The following COL4A1 variants were observed in gnomAD, a reference collection of about 807,000 sequenced individuals.
COL4A1 encodes the protein collagen type IV alpha 1 chain, also known as collagen alpha-1(IV) chain.
A neutral mutation model predicts 216.6 loss-of-function variants in COL4A1; 40 were observed. The observed-to-expected ratio is 0.18, with a 90% CI of 0.14 to 0.24. The LOEUF is 0.24. COL4A1 is among the 10% of genes least tolerant of loss of function. The pLI, the probability that COL4A1 is intolerant of heterozygous loss-of-function variation, is 1.00. For missense variants in COL4A1, 1,628 were observed against 2,196.8 expected (o/e 0.74, Z 5.18); for synonymous variants, 839 against 810.7 (o/e 1.03, Z -0.59).
chr13:110,251,713 G>A lies in COL4A1; in HGVS notation c.85-8979C>T, dbSNP rs144055502. 1.8e-3 allele frequency among the ~76,000 whole-genome samples: 276 copies of A among 152,268 alleles called. 1 individual carries two copies. Among genetic ancestry groups the A allele is most frequent in the African/African-American group, 6.3e-3 (261 of 41,552 alleles). On this transcript the variant is annotated intron_variant, in intron 1 of 51. Coordinates refer to ENST00000375820, the MANE Select transcript of COL4A1 (RefSeq NM_001845.6). ...GAACCCAGGATGAGGGAAAGACGGC[G>A]AGAACAGGCTGCCAGACAGGCACAG... is the stretch of plus-strand genomic sequence containing the variant.
intron 8 of COL4A1, 129 bp from the exon 9 acceptor site, chr13:110,210,341 C>T: frequency 3.5e-6 from 3 of 845,524 alleles, no homozygotes; most frequent in Non-Finnish European, 5.8e-6. Flanking sequence ...TAGACCCCGT[C>T]TACACTGGAA....
At chr13:110,175,385 T>G (rs371060092) in intron 36 of COL4A1, 28 bp from the exon 37 acceptor site, 309 of 1,613,796 alleles carry the variant, frequency 1.9e-4, no homozygotes, top group Non-Finnish European at 2.5e-4. Context: ...TGAAACTTGA[T>G]TTGGGCTTAG....
chr13:110,171,290 G>A (rs1410660843), intron 41 of COL4A1, among the ~76,000 whole-genome samples: 1 of 152,144 alleles, frequency 6.6e-6, no homozygotes, highest in Non-Finnish European at 1.5e-5. Flanking sequence ...GAAGGCAGAT[G>A]GACGGTTGCT....
intron 2 of COL4A1, among the ~76,000 whole-genome samples, chr13:110,230,734 C>A (rs574810132): frequency 6.6e-6 from 1 of 151,740 alleles, no homozygotes; most frequent in East Asian, 1.9e-4. Flanking sequence ...GCTGGAAGTC[C>A]CCCCGTGGTA....
chr13:110,155,215 G>T, intron 50 of COL4A1, 68 bp downstream of exon 50: 1 of 1,161,510 alleles, frequency 8.6e-7, no homozygotes, highest in Non-Finnish European at 1.3e-6. Flanking sequence ...GGAGGCACCA[G>T]ACAGAGGCGA....
intron 22 of COL4A1, 127 bp from the exon 23 acceptor site, chr13:110,193,040 G>A (rs1048221195): frequency 4.1e-5 from 34 of 824,660 alleles, no homozygotes; most frequent in Non-Finnish European, 6.5e-5. Context: ...TTTGCTCAGT[G>A]GCAATGGCTC....
intron 10 of COL4A1, 47 bp downstream of exon 10, chr13:110,209,933 G>T: frequency 1.3e-6 from 2 of 1,584,194 alleles, no homozygotes; most frequent in Non-Finnish European, 1.7e-6. Context: ...CCTCAATATA[G>T]TTGTTTTTTA....
In COL4A1 at chr13:110,192,277, T is replaced by C. The variant is rs755983132; in HGVS notation, c.1473A>G (p.Pro491=). The change falls in exon 24 of 52, where the codon CCA becomes CCG. Residue 491 remains proline (P), a synonymous_variant. Coordinates refer to ENST00000375820, the MANE Select transcript of COL4A1 (RefSeq NM_001845.6). ...TGTCGCCCTTGGCCCCTGGCTGCCC[T>C]GGGAAACCTTTCGTGAGAGAGAGGG... ...PQGPPGEIGF[P]GQPGAKGDRG... is the part of the protein sequence containing the mutation. 2 of 1,614,040 alleles carry C rather than the reference T, an allele frequency of 1.2e-6. No individual in the cohort carries two copies. The highest frequency in any genetic ancestry group is 1.7e-6 in the Non-Finnish European group (2 of 1,180,036).
intron 49 of COL4A1, among the ~76,000 whole-genome samples, chr13:110,158,843 AG>A (rs1392793941): frequency 2.0e-5 from 3 of 150,148 alleles, no homozygotes; most frequent in Non-Finnish European, 4.4e-5. Context: ...GCTGGGTTCA[AG>A]CAATTCTCCT....
chr13:110,225,638 A>G (rs1404724745), intron 2 of COL4A1, among the ~76,000 whole-genome samples: 2 of 152,246 alleles, frequency 1.3e-5, no homozygotes, highest in African/African-American at 4.8e-5. Context: ...GACTCAGGAA[A>G]GATCCCAAGA....
Position 110,299,294 on chromosome 13 carries a change from C to T in COL4A1, c.84+7650G>A, listed in dbSNP as rs529422307. Among the ~76,000 whole-genome samples, 15 of 152,332 alleles carry T rather than the reference C, an allele frequency of 9.8e-5. 1 individual carries two copies. In the South Asian group the frequency reaches 3.1e-3, roughly 32 times the overall value. ...AAATGCAGATTCTCGGCATACCCCA[C>T]ACCTCCAAAAACAGAAGCTCTGGAG... On this transcript the variant is annotated intron_variant, in intron 1 of 51. Coordinates refer to ENST00000375820, the MANE Select transcript of COL4A1 (RefSeq NM_001845.6).
At chr13:110,260,335 G>C (rs1882765355) in intron 1 of COL4A1, among the ~76,000 whole-genome samples, 1 of 152,170 alleles carries the variant, frequency 6.6e-6, no homozygotes. Flanking sequence ...GTATGGGGTA[G>C]ACTGCCCCCA....
intron 51 of COL4A1, among the ~76,000 whole-genome samples, chr13:110,151,427 T>C (rs1379830485): frequency 6.6e-6 from 1 of 152,194 alleles, no homozygotes; most frequent in African/African-American, 2.4e-5. Flanking sequence ...AGCATGGATG[T>C]CAAGTTTCCA....
chr13:110,208,271 C>T (rs559054152), intron 12 of COL4A1, among the ~76,000 whole-genome samples: 1 of 152,352 alleles, frequency 6.6e-6, no homozygotes, highest in South Asian at 2.1e-4. Context: ...CTGTGCCCTC[C>T]CGGCTCCACA....
At chr13:110,285,409 C>G (rs1279315331) in intron 1 of COL4A1, among the ~76,000 whole-genome samples, 1 of 152,210 alleles carries the variant, frequency 6.6e-6, no homozygotes, top group Non-Finnish European at 1.5e-5. Context: ...CATTTAGGAA[C>G]AGCAGCCCTT....
At chr13:110,163,231 TCAA>T (rs1365130523) in intron 47 of COL4A1, among the ~76,000 whole-genome samples, 1 of 152,266 alleles carries the variant, frequency 6.6e-6, no homozygotes, top group Non-Finnish European at 1.5e-5. Context: ...TGGCTGCCTT[TCAA>T]CAACATCTGG....
At chr13:110,300,257 G>T (rs1884440060) in intron 1 of COL4A1, among the ~76,000 whole-genome samples, 1 of 152,160 alleles carries the variant, frequency 6.6e-6, no homozygotes, top group Admixed American at 6.5e-5. Context: ...TGAATGTGAG[G>T]ATTAGGCAAG....
At chr13:110,203,947 C>T (rs1337910920) in intron 17 of COL4A1, among the ~76,000 whole-genome samples, 4 of 152,206 alleles carry the variant, frequency 2.6e-5, no homozygotes, top group African/African-American at 9.6e-5. Context: ...CAGGGTTTTT[C>T]AATTTTAAAA....
Position 110,174,732 on chromosome 13 carries a change from C to A in COL4A1, c.3216G>T (p.Ala1072=). Reference sequence around the variant, plus strand: ...TCTCTCCAGGGCTTCCTGGGAAACCCGCTATCCCTTGATCTCCCTGCAAGT... The same window carrying A: ...TCTCTCCAGGGCTTCCTGGGAAACCAGCTATCCCTTGATCTCCCTGCAAGT... ...LRGEKGDQGI[A]GFPGSPGEKG... The change falls in exon 38 of 52, where the codon GCG becomes GCT. Residue 1072 remains alanine, a synonymous_variant. Coordinates refer to ENST00000375820, the MANE Select transcript of COL4A1 (RefSeq NM_001845.6). 6.2e-7 allele frequency: 1 copy of A among 1,613,562 alleles called. No individual in the cohort carries two copies.
Sources: gnomAD v4.1 joint callset for allele counts (sites outside exome capture counted in the v4.1 genomes callset) on GRCh38, gnomAD v4.1.1 for gene constraint, MANE v1.5 for transcripts, NCBI Gene and HGNC (gene_info 2026-07-23, HGNC 2026-07-21) for gene names.